The following ZAN variants were observed in gnomAD, a reference collection of about 807,000 sequenced individuals.
ZAN encodes zonadhesin.
In ZAN, 260 loss-of-function variants were observed where a neutral mutation model predicts 286.2. That is an observed-to-expected ratio of 0.91 (90% CI 0.82 to 1.01). The LOEUF is 1.01. Ranked by LOEUF, ZAN falls within the 50% of genes least tolerant of loss-of-function variation. ZAN has a pLI of 0.00. For missense variants in ZAN, 3,410 were observed against 3,639.2 expected, an observed-to-expected ratio of 0.94 and a Z score of 1.62; for synonymous variants, 1,368 against 1,417.5, an observed-to-expected ratio of 0.97 and a Z score of 0.79.
intron 19 of ZAN, among the ~76,000 whole-genome samples, chr7:100,760,958 G>A (rs944170827): frequency 2.0e-5 from 3 of 152,064 alleles, no homozygotes; most frequent in African/African-American, 4.8e-5. Context: ...GTGCAGTGGT[G>A]CTATCTCGGC....
At chr7:100,735,483 C>G (rs1443223375) in intron 2 of ZAN, among the ~76,000 whole-genome samples, 1 of 134,714 alleles carries the variant, frequency 7.4e-6, no homozygotes, top group Non-Finnish European at 1.6e-5. Context: ...GGGAGGATTG[C>G]TGGAGCCCAG....
chr7:100,737,049 C>G lies in ZAN; in HGVS notation c.494C>G (p.Thr165Ser), dbSNP rs758896280. 1.1e-5 allele frequency: 17 copies of G among 1,499,092 alleles called. 2 individuals carry two copies. The East Asian group carries it at 4.0e-4, about 35-fold the overall frequency. 92.9% of individuals were successfully genotyped at this position (1,499,092 alleles called of 1,614,324 possible). ...CCCTCCTGGATGCTCACCACCGTCA[C>G]TGTGCCCGCAGGGTTCACCCTGCCC... is the stretch of plus-strand genomic sequence containing the variant. ...QRPSWMLTTV[T>S]VPAGFTLPTR... The change falls in exon 5 of 48, where the codon ACT becomes AGT. Residue 165 changes from threonine to serine, a missense_variant. Transcript: ENST00000613979.
In ZAN at chr7:100,748,008, A is replaced by G. The variant is rs188081069; in HGVS notation, c.1024-129A>G. Reference sequence around the variant, plus strand: ...CTCTGAAAAAAAAAAAAAAAGAAAGAAAGAACTGAATTGAGGGTCTGGGCA... The same window carrying G: ...CTCTGAAAAAAAAAAAAAAAGAAAGGAAGAACTGAATTGAGGGTCTGGGCA... On this transcript the variant is annotated intron_variant, in intron 9 of 47. Transcript: ENST00000613979. 477 of 727,976 alleles carry G rather than the reference A, an allele frequency of 6.6e-4. No individual in the cohort carries two copies. In the African/African-American group the frequency reaches 6.8e-3, roughly 10 times the overall value. The allele number at this position is 727,976 out of a possible 1,614,324, so 45.1% of individuals were successfully genotyped here.
At chr7:100,751,660 G>C (rs1350955486) in intron 13 of ZAN, 52 bp from the exon 14 acceptor site, 3 of 1,522,742 alleles carry the variant, frequency 2.0e-6, no homozygotes, top group East Asian at 2.3e-5. Context: ...CAGTAAAGAG[G>C]GTGGTGGTAT....
rs1809485595 is a variant in ZAN at position 100,760,499 on chromosome 7, T to C, written c.3805T>C (p.Trp1269Arg). 5.0e-6 allele frequency: 8 copies of C among 1,613,952 alleles called. No individual in the cohort carries two copies. Among genetic ancestry groups the C allele is most frequent in the Non-Finnish European group, 8.5e-7 (1 of 1,179,884 alleles). Residue 1269 changes from tryptophan to arginine, a missense_variant, in exon 19 of 48, where the codon TGG (tryptophan) becomes CGG (arginine). Around this residue, in one of 7 missense-constraint regions of ZAN, gnomAD observed 1,042 missense variants for 1,058.0 expected, o/e 0.98. Coordinates refer to ENST00000613979, the MANE Select transcript of ZAN (RefSeq NM_003386.3). ...LQTEFGLRVRWDGDQQLYVTV... is the reference protein window; with the variant it reads ...LQTEFGLRVRRDGDQQLYVTV... ...GACGGAGTTCGGTTTGCGGGTGAGA[T>C]GGGATGGTGACCAGCAGCTGTATGT...
Position 100,772,000 on chromosome 7 carries a change from G to C in ZAN, c.5405G>C (p.Trp1802Ser). ...GCCCAGGCTGGCCAGGCCCCTGCCT[G>C]GCGGAACAGAACCTTCTGCCGTGAG... ...LCAQAGQAPA[W>S]RNRTFCPMRC... The change falls in exon 29 of 48, where the codon TGG (tryptophan) becomes TCG (serine). Residue 1802 changes from tryptophan (W) to serine (S), a missense_variant. Physicochemically the swap from Trp to Ser is radical, Grantham distance 177 (BLOSUM62 -3). Coordinates refer to ENST00000613979, the MANE Select transcript of ZAN (RefSeq NM_003386.3). 8 of 1,604,254 alleles carry C rather than the reference G, an allele frequency of 5.0e-6. No homozygotes were observed. The South Asian group carries it at 8.8e-5, about 18-fold the overall frequency.
rs1562911218 is a variant in ZAN, at chr7:100,738,871, T to TCTTCTTCTC, written c.766+263_766+264insTCTCCTTCT. Among the ~76,000 whole-genome samples the TCTTCTTCTC allele has an allele frequency of 1.1e-3, 27 of 23,708 alleles. 5 individuals are homozygous for TCTTCTTCTC. Among genetic ancestry groups the TCTTCTTCTC allele is most frequent in the Admixed American group, 2.4e-3 (4 of 1,670 alleles). The allele number at this position is 23,708 out of a possible 152,430, so 15.6% of individuals were successfully genotyped here. On this transcript the variant is annotated intron_variant, in intron 7 of 47. Coordinates refer to ENST00000613979, the MANE Select transcript of ZAN (RefSeq NM_003386.3). ...TTCTTCTTCTTTCTCTTCCTCTTCT[T>TCTTCTTCTC]CTTCTCCCTCTCCCTCTCCCTCTCC...
intron 15 of ZAN, among the ~76,000 whole-genome samples, chr7:100,756,472 C>T (rs1809154927): frequency 6.6e-6 from 1 of 151,802 alleles, no homozygotes; most frequent in African/African-American, 2.4e-5. Context: ...CATTAATGTG[C>T]AGAGCCTCTT....
chr7:100,762,244 G>A lies in ZAN; in HGVS notation c.3872G>A (p.Cys1291Tyr). Residue 1291 changes from cysteine (C) to tyrosine (Y), a missense_variant, in exon 20 of 48, where the codon TGT becomes TAT. By Grantham distance (194) the Cys-to-Tyr change is radical (BLOSUM62 -2). This residue lies in a region of ZAN where 1,042 missense variants were observed against 1,058.0 expected (regional missense o/e 0.98). Coordinates refer to ENST00000613979, the MANE Select transcript of ZAN (RefSeq NM_003386.3). ...STYSGKLCGL[C>Y]GNYDGNSDND... ...TACTCTGGCAAACTCTGTGGTTTGT[G>A]TGGGAACTATGACGGCAACAGTGAC... 1.9e-6 allele frequency: 3 copies of A among 1,613,438 alleles called. 1 individual carries two copies.
rs2116294644 is a variant in ZAN, at chr7:100,787,762, A to G, written c.6980-127A>G. ...TTTTTAGTAGAGACAGGGTTTCACC[A>G]TGTTGGCCAGGCTGGTCTCAAACTC... On this transcript the variant is annotated intron_variant, in intron 37 of 47. Coordinates refer to ENST00000613979, the MANE Select transcript of ZAN (RefSeq NM_003386.3). 3.8e-6 allele frequency: 4 copies of G among 1,045,038 alleles called. No individual in the cohort carries two copies. The South Asian group carries it at 9.6e-5, about 25-fold the overall frequency. The allele number at this position is 1,045,038 out of a possible 1,614,324, so 64.7% of individuals were successfully genotyped here.
intron 39 of ZAN, among the ~76,000 whole-genome samples, chr7:100,790,136 C>T (rs1203523627): frequency 6.6e-6 from 1 of 151,734 alleles, no homozygotes; most frequent in African/African-American, 2.4e-5. Flanking sequence ...TGGTGGTGCA[C>T]ACCTGTAATC....
At chr7:100,772,096 TC>T in intron 29 of ZAN, 76 bp downstream of exon 29, 26 of 1,325,516 alleles carry the variant, frequency 2.0e-5, no homozygotes, top group Non-Finnish European at 8.9e-6. Flanking sequence ...TCCTCTAAAT[TC>T]TTTTTTTTTT....
rs199735231 is a variant in ZAN, at chr7:100,758,245, G to A, written c.3353G>A (p.Arg1118His). Residue 1118 changes from arginine to histidine, a missense_variant, in exon 16 of 48, where the codon CGC becomes CAC. Arg to His is a conservative substitution (Grantham distance 29). Transcript: ENST00000613979. ...WFSPNCTEHC[R>H]CWPGSRVECQ... Reference sequence around the variant, plus strand: ...AGCCCCAACTGCACAGAACATTGCCGCTGCTGGCCCGGCAGTCGGGTCGAG... The same window carrying A: ...AGCCCCAACTGCACAGAACATTGCCACTGCTGGCCCGGCAGTCGGGTCGAG... 1.2e-4 allele frequency: 195 copies of A among 1,613,274 alleles called. No homozygotes were observed. The African/African-American group carries it at 2.4e-3, about 20-fold the overall frequency.
At chr7:100,743,489 C>T (rs767037278) in intron 7 of ZAN, among the ~76,000 whole-genome samples, 3 of 152,098 alleles carry the variant, frequency 2.0e-5, no homozygotes, top group Non-Finnish European at 4.4e-5. Context: ...CATTTCAACC[C>T]CTCACTGAGC....
intron 35 of ZAN, 150 bp downstream of exon 35, chr7:100,779,900 A>T: frequency 1.0e-6 from 1 of 987,166 alleles, no homozygotes; most frequent in South Asian, 2.7e-5. Flanking sequence ...TAATTTTTAT[A>T]TAAAATTTTT....
In ZAN at chr7:100,763,523, C is replaced by CATATGAA. The variant is rs1447184413; in HGVS notation, c.3987-272_3987-266dup. 6.6e-6 allele frequency among the ~76,000 whole-genome samples: 1 copy of CATATGAA among 152,098 alleles called. No individual in the cohort carries two copies. ...AGTAGCTGGGGCTATGGACGTGCGC[C>CATATGAA]ATATGAAATATGAAATAAATAATTT... On this transcript the variant is annotated intron_variant, in intron 20 of 47. Transcript: ENST00000613979. This position sits in a 1 kb window ranked among gnomAD's most constrained non-coding sequence, Gnocchi z 4.6.
chr7:100,766,430 T>C, intron 23 of ZAN, 95 bp from the exon 24 acceptor site: 2 of 1,416,704 alleles, frequency 1.4e-6, no homozygotes, highest in Non-Finnish European at 1.9e-6. Flanking sequence ...GCCAGTGATC[T>C]GAACAGCTCT....
intron 29 of ZAN, among the ~76,000 whole-genome samples, chr7:100,772,808 G>T (rs760810665): frequency 7.7e-6 from 1 of 129,068 alleles, no homozygotes; most frequent in Non-Finnish European, 1.7e-5. Flanking sequence ...GCGACAGAGC[G>T]AGACTGTCTA....
chr7:100,784,878 G>C lies in ZAN; in HGVS notation c.6834+44G>C. 3.3e-6 allele frequency: 5 copies of C among 1,513,398 alleles called. No individual in the cohort carries two copies. In the South Asian group the frequency reaches 3.9e-5, roughly 12 times the overall value. The allele number at this position is 1,513,398 out of a possible 1,614,324, so 93.7% of individuals were successfully genotyped here. The stretch of plus-strand genomic sequence containing the variant: ...TGGGACTGGAGGCAACACAGCTTGA[G>C]GGCAGTGCTTTCTCCTTTTCTCTGC... On this transcript the variant is annotated intron_variant, in intron 36 of 47. Coordinates refer to ENST00000613979, the MANE Select transcript of ZAN (RefSeq NM_003386.3).
Sources: gnomAD v4.1 joint callset for allele counts (sites outside exome capture counted in the v4.1 genomes callset) on GRCh38, gnomAD v4.1.1 for gene constraint, gnomAD v4.1.1 regional missense constraint, Gnocchi (gnomAD v3.1) non-coding constraint, MANE v1.5 for transcripts, NCBI Gene and HGNC (gene_info 2026-07-23, HGNC 2026-07-21) for gene names.